The following NKAIN2 variants were observed in gnomAD, a reference collection of about 807,000 sequenced individuals.
NKAIN2 encodes the protein sodium/potassium-transporting ATPase subunit beta-1-interacting protein 2.
A neutral mutation model predicts 32.6 loss-of-function variants in NKAIN2; 14 were observed. The ratio of observed to expected loss-of-function variants is 0.43; its 90% CI spans 0.28 to 0.67. The LOEUF (loss-of-function observed/expected upper bound fraction) is 0.67. NKAIN2 is among the 30% of genes least tolerant of loss of function. The pLI is 0.17. For missense variants in NKAIN2, 198 were observed against 258.3 expected (o/e 0.77, Z 1.60); for synonymous variants, 80 against 87.2 (o/e 0.92, Z 0.46).
At chr6:124,302,298 A>G (rs1796321840) in intron 2 of NKAIN2, among the ~76,000 whole-genome samples, 1 of 152,246 alleles carries the variant, frequency 6.6e-6, no homozygotes, top group Non-Finnish European at 1.5e-5. Context: ...ACTCACAGGT[A>G]TGTCTTTATT....
chr6:124,376,379 G>C (rs778069489), intron 3 of NKAIN2, among the ~76,000 whole-genome samples: 16 of 152,038 alleles, frequency 1.1e-4, no homozygotes, highest in Non-Finnish European at 2.4e-4. Context: ...TTATTTTCCA[G>C]TTTGAATAAT....
chr6:124,579,078 C>T (rs1257818263), intron 3 of NKAIN2, among the ~76,000 whole-genome samples: 21 of 152,136 alleles, frequency 1.4e-4, no homozygotes, highest in Non-Finnish European at 1.2e-4. Flanking sequence ...TGATCAAAAA[C>T]TTAGATTACA....
At chr6:124,528,232 G>C (rs1479371181) in intron 3 of NKAIN2, among the ~76,000 whole-genome samples, 1 of 152,190 alleles carries the variant, frequency 6.6e-6, no homozygotes, top group African/African-American at 2.4e-5. Context: ...GTATTCAAAA[G>C]CTGTAAGAAA....
At chr6:123,976,342 TG>T (rs1778597267) in intron 1 of NKAIN2, among the ~76,000 whole-genome samples, 2 of 15,332 alleles carry the variant, frequency 1.3e-4, no homozygotes, top group East Asian at 2.9e-3. Flanking sequence ...TATATATATA[TG>T]TTCCCATATA....
At chr6:124,562,882 G>T (rs1358185405) in intron 3 of NKAIN2, among the ~76,000 whole-genome samples, 1 of 149,842 alleles carries the variant, frequency 6.7e-6, no homozygotes, top group Non-Finnish European at 1.5e-5. Flanking sequence ...AAAGGAAAAT[G>T]AAATGTTAGT....
intron 4 of NKAIN2, among the ~76,000 whole-genome samples, chr6:124,710,319 G>A (rs1268643055): frequency 2.0e-5 from 3 of 152,088 alleles, no homozygotes; most frequent in Non-Finnish European, 2.9e-5. Context: ...GATTTGGGGT[G>A]GAGAGTTCTG....
At chr6:123,813,326 TG>T (rs1288237210) in intron 1 of NKAIN2, among the ~76,000 whole-genome samples, 1 of 152,166 alleles carries the variant, frequency 6.6e-6, no homozygotes, top group East Asian at 1.9e-4. Flanking sequence ...TTCATCCCGG[TG>T]GGCATAGTGA....
At chr6:123,817,232 T>C (rs1773730848) in intron 1 of NKAIN2, among the ~76,000 whole-genome samples, 1 of 152,076 alleles carries the variant, frequency 6.6e-6, no homozygotes, top group African/African-American at 2.4e-5. Context: ...TTCACAACAT[T>C]GCCATTTTGG....
intron 1 of NKAIN2, among the ~76,000 whole-genome samples, chr6:124,109,541 A>G (rs973809680): frequency 5.3e-5 from 8 of 152,044 alleles, no homozygotes; most frequent in African/African-American, 1.7e-4. Context: ...ATACATATAT[A>G]CGATCATGTA....
intron 1 of NKAIN2, among the ~76,000 whole-genome samples, chr6:124,040,530 T>C (rs1781821290): frequency 6.6e-6 from 1 of 152,078 alleles, no homozygotes; most frequent in Admixed American, 6.6e-5. Flanking sequence ...GAAGACATTT[T>C]AATTTTTGTT....
At chr6:124,307,760 A>G (rs1796563463) in intron 2 of NKAIN2, among the ~76,000 whole-genome samples, 1 of 152,202 alleles carries the variant, frequency 6.6e-6, no homozygotes, top group African/African-American at 2.4e-5. Flanking sequence ...AAAAAATGAA[A>G]GCAAGAGCTA....
intron 1 of NKAIN2, among the ~76,000 whole-genome samples, chr6:124,257,800 C>G (rs2753133): frequency 7.1e-6 from 1 of 141,088 alleles, no homozygotes; most frequent in Admixed American, 7.1e-5. Flanking sequence ...TTTTTTGAGA[C>G]GGGGTTTCAC....
At chr6:123,950,956 T>C (rs1162886447) in intron 1 of NKAIN2, among the ~76,000 whole-genome samples, 1 of 152,032 alleles carries the variant, frequency 6.6e-6, no homozygotes, top group Non-Finnish European at 1.5e-5. Flanking sequence ...GCACTGCACT[T>C]GTATCTCATA....
chr6:124,191,801 G>A (rs1790034260), intron 1 of NKAIN2, among the ~76,000 whole-genome samples: 1 of 152,070 alleles, frequency 6.6e-6, no homozygotes, highest in South Asian at 2.1e-4. Context: ...TTCATGCATG[G>A]TTTTGAATTT....
intron 4 of NKAIN2, among the ~76,000 whole-genome samples, chr6:124,732,920 C>T (rs1776758409): frequency 6.6e-6 from 1 of 151,574 alleles, no homozygotes; most frequent in South Asian, 2.1e-4. Context: ...TGGAAGTAAC[C>T]AAGATGTTCT....
chr6:124,079,704 A>G (rs559876785), intron 1 of NKAIN2, among the ~76,000 whole-genome samples: 1 of 152,286 alleles, frequency 6.6e-6, no homozygotes, highest in South Asian at 2.1e-4. Context: ...CTAAGTTGGC[A>G]TGTAAACAGA....
At chr6:124,134,940 A>T (rs552715605) in intron 1 of NKAIN2, among the ~76,000 whole-genome samples, 1 of 152,188 alleles carries the variant, frequency 6.6e-6, no homozygotes, top group Non-Finnish European at 1.5e-5. Flanking sequence ...GATTAACCGC[A>T]GATTTCTAGG....
At chr6:124,375,647 G>A (rs1799959307) in intron 3 of NKAIN2, among the ~76,000 whole-genome samples, 1 of 151,750 alleles carries the variant, frequency 6.6e-6, no homozygotes, top group South Asian at 2.1e-4. Flanking sequence ...AAAAACTGAG[G>A]TAGAGCAGAT....
At chr6:124,739,965 T>A (rs922852102) in intron 4 of NKAIN2, among the ~76,000 whole-genome samples, 2 of 151,802 alleles carry the variant, frequency 1.3e-5, no homozygotes, top group Admixed American at 1.3e-4. Flanking sequence ...AAATGTTCTC[T>A]GGTGTTGGGA....
Sources: allele counts gnomAD v4.1 joint callset (sites outside exome capture counted in the v4.1 genomes callset), GRCh38; gene constraint gnomAD v4.1.1; transcripts MANE v1.5; gene names NCBI Gene and HGNC (gene_info 2026-07-23, HGNC 2026-07-21).